Variants in GRID2 observed in about 807,000 individuals in gnomAD.
The protein encoded by GRID2 is glutamate ionotropic receptor delta type subunit 2, also known as glutamate receptor ionotropic, delta-2.
A neutral mutation model predicts 114.8 loss-of-function variants in GRID2; 33 were observed. The observed-to-expected ratio is 0.29, with a 90% CI of 0.22 to 0.38. The LOEUF is 0.38. Among genes scored for constraint, GRID2 ranks in the 10% least tolerant of loss-of-function variants. GRID2 has a pLI of 1.00. For missense variants in GRID2, 1,184 were observed against 1,257.7 expected (o/e 0.94, Z 0.89); for synonymous variants, 505 against 449.9 (o/e 1.12, Z -1.55).
Position 93,224,692 on chromosome 4 carries a change from C to A in GRID2, c.1042C>A (p.His348Asn). 1 of 1,611,138 alleles carries A rather than the reference C, an allele frequency of 6.2e-7. No individual in the cohort carries two copies. Among genetic ancestry groups the A allele is most frequent in the Non-Finnish European group, 8.5e-7 (1 of 1,177,604 alleles). The change falls in exon 7 of 16, where the codon CAC becomes AAC. Residue 348 changes from histidine to asparagine, a missense_variant. Physicochemically the swap from His to Asn is moderately conservative, Grantham distance 68 (BLOSUM62 1). Transcript: ENST00000282020. ...TAAGAAGCTGGAGGACCGAAAGTGG[C>A]ACAGCATGGCAAGTCTGTCATGTAT... ...FHKKLEDRKW[H>N]SMASLSCIRK...
At chr4:93,403,017 G>T (rs949089477) in intron 9 of GRID2, among the ~76,000 whole-genome samples, 2 of 152,100 alleles carry the variant, frequency 1.3e-5, no homozygotes, top group Non-Finnish European at 2.9e-5. Context: ...CAAGGTTAGG[G>T]GTTGGGAAAG....
intron 1 of GRID2, among the ~76,000 whole-genome samples, chr4:92,395,857 G>A (rs1730467433): frequency 6.6e-6 from 1 of 151,764 alleles, no homozygotes; most frequent in South Asian, 2.1e-4. Flanking sequence ...TTGAGCTGAT[G>A]TGCCCCTAAA....
intron 8 of GRID2, chr4:93,282,464 G>A: frequency 7.6e-6 from 3 of 395,808 alleles, no homozygotes; most frequent in Admixed American, 6.5e-5. Context: ...AAACATAAGA[G>A]CAGAAGACCG....
At chr4:92,454,886 C>A (rs2149082166) in intron 1 of GRID2, among the ~76,000 whole-genome samples, 1 of 152,268 alleles carries the variant, frequency 6.6e-6, no homozygotes, top group Non-Finnish European at 1.5e-5. Context: ...GGATTACTTT[C>A]CGATTATTCA....
intron 2 of GRID2, among the ~76,000 whole-genome samples, chr4:92,948,068 G>A (rs1751769516): frequency 1.3e-5 from 2 of 151,794 alleles, no homozygotes; most frequent in Admixed American, 6.6e-5. Context: ...AAATTGCCAA[G>A]TTAAAGTGTA....
At chr4:93,055,535 A>G (rs1163866689) in intron 2 of GRID2, among the ~76,000 whole-genome samples, 1 of 151,970 alleles carries the variant, frequency 6.6e-6, no homozygotes, top group African/African-American at 2.4e-5. Flanking sequence ...AACAACAACA[A>G]CAACAAAAAC....
intron 1 of GRID2, among the ~76,000 whole-genome samples, chr4:92,421,653 A>C (rs1355881724): frequency 6.6e-6 from 1 of 152,148 alleles, no homozygotes; most frequent in Non-Finnish European, 1.5e-5. Flanking sequence ...AGCAGAAGAG[A>C]GTAAAAACAA....
At chr4:92,727,294 A>G (rs1195338105) in intron 2 of GRID2, among the ~76,000 whole-genome samples, 3 of 152,094 alleles carry the variant, frequency 2.0e-5, no homozygotes, top group Non-Finnish European at 4.4e-5. Context: ...TGCTAACAGA[A>G]TAAATCTCAA....
At chr4:92,374,132 G>A (rs1431052114) in intron 1 of GRID2, among the ~76,000 whole-genome samples, 1 of 152,096 alleles carries the variant, frequency 6.6e-6, no homozygotes, top group African/African-American at 2.4e-5. Flanking sequence ...GCCATGATGG[G>A]AAGTGGGGGT....
rs1444391744 is a variant in GRID2, at chr4:93,675,014, A to G, written c.2360+48579A>G. ...CAAAGATATTCTTTGGTTATCTTTGATAAGTCTTGATTATAAGCCAATTAT... is the reference window on the plus strand; with the variant it reads ...CAAAGATATTCTTTGGTTATCTTTGGTAAGTCTTGATTATAAGCCAATTAT... On this transcript the variant is annotated intron_variant, in intron 14 of 15. Transcript: ENST00000282020. Among the ~76,000 whole-genome samples, 5 of 152,300 alleles carry G rather than the reference A, an allele frequency of 3.3e-5. No homozygotes were observed. In the East Asian group the frequency reaches 7.7e-4, roughly 23 times the overall value.
At chr4:93,551,098 T>C (rs1733709052) in intron 13 of GRID2, among the ~76,000 whole-genome samples, 1 of 152,210 alleles carries the variant, frequency 6.6e-6, no homozygotes, top group African/African-American at 2.4e-5. Context: ...AAGCTATCTA[T>C]GTGAAACATT....
chr4:92,454,557 G>T (rs1023179741), intron 1 of GRID2, among the ~76,000 whole-genome samples: 1 of 152,078 alleles, frequency 6.6e-6, no homozygotes, highest in Non-Finnish European at 1.5e-5. Flanking sequence ...CATCAAATCT[G>T]CATCCCTGGT....
At chr4:92,336,761 CTCTTA>C (rs1727191298) in intron 1 of GRID2, among the ~76,000 whole-genome samples, 3 of 152,046 alleles carry the variant, frequency 2.0e-5, no homozygotes, top group African/African-American at 4.8e-5. Context: ...ACCATTGCTA[CTCTTA>C]TCTTTTGCTT....
chr4:93,695,110 G>T (rs1374811906), intron 14 of GRID2, among the ~76,000 whole-genome samples: 2 of 150,714 alleles, frequency 1.3e-5, no homozygotes, highest in Admixed American at 1.3e-4. Flanking sequence ...GGCGGAAGTC[G>T]CAGTGAGCCG....
At chr4:93,048,278 A>T (rs1203065944) in intron 2 of GRID2, among the ~76,000 whole-genome samples, 1 of 152,098 alleles carries the variant, frequency 6.6e-6, no homozygotes, top group African/African-American at 2.4e-5. Flanking sequence ...TTTCATGAGG[A>T]GGAGTGCAGT....
chr4:92,995,884 A>C (rs1755166966), intron 2 of GRID2, among the ~76,000 whole-genome samples: 1 of 152,088 alleles, frequency 6.6e-6, no homozygotes. Context: ...GTTTTGGAAG[A>C]CTTGATATTC....
chr4:92,331,302 A>G (rs942505020), intron 1 of GRID2, among the ~76,000 whole-genome samples: 1 of 152,206 alleles, frequency 6.6e-6, no homozygotes, highest in African/African-American at 2.4e-5. Flanking sequence ...GTGCCAGTGG[A>G]TAAGCAGTCT....
chr4:93,006,392 A>T (rs557824834), intron 2 of GRID2, among the ~76,000 whole-genome samples: 105 of 152,106 alleles, frequency 6.9e-4, no homozygotes, highest in African/African-American at 2.3e-3. Context: ...GATACTGAGA[A>T]TAGGTCTAAG....
intron 5 of GRID2, among the ~76,000 whole-genome samples, chr4:93,211,891 A>G (rs1346603061): frequency 1.3e-5 from 2 of 152,178 alleles, no homozygotes; most frequent in African/African-American, 2.4e-5. Flanking sequence ...CAACACTCTT[A>G]CTTTCAAATT....
Sources: allele counts gnomAD v4.1 joint callset (sites outside exome capture counted in the v4.1 genomes callset), GRCh38; gene constraint gnomAD v4.1.1; transcripts MANE v1.5; gene names NCBI Gene and HGNC (gene_info 2026-07-23, HGNC 2026-07-21).